The following CUL3 variants were observed in gnomAD, a reference collection of about 807,000 sequenced individuals.
The protein encoded by CUL3 is cullin-3.
A neutral mutation model predicts 89.1 loss-of-function variants in CUL3; 19 were observed. The ratio of observed to expected loss-of-function variants is 0.21; its 90% CI spans 0.15 to 0.31. CUL3 has a LOEUF of 0.31. Among genes scored for constraint, CUL3 ranks in the 10% least tolerant of loss-of-function variants. The probability of loss-of-function intolerance (pLI) is 1.00; values close to 1 mark genes in which losing one functional copy is unlikely to be tolerated. For missense variants in CUL3, 469 were observed against 942.3 expected (o/e 0.50, Z 6.58); for synonymous variants, 351 against 308.4 (o/e 1.14, Z -1.45).
At chr2:224,563,056 A>C in intron 1 of CUL3, 1 of 356,768 alleles carries the variant, frequency 2.8e-6, no homozygotes, top group South Asian at 2.2e-5. Flanking sequence ...GAAAGTGCCC[A>C]ATGATAGAAT....
At chr2:224,483,695 T>C (rs1691614023) in intron 13 of CUL3, among the ~76,000 whole-genome samples, 1 of 152,186 alleles carries the variant, frequency 6.6e-6, no homozygotes, top group Non-Finnish European at 1.5e-5. Flanking sequence ...AATTTTTCTA[T>C]TAATTTCTTC....
intron 15 of CUL3, among the ~76,000 whole-genome samples, chr2:224,475,343 T>C (rs1691276994): frequency 6.6e-6 from 1 of 152,270 alleles, no homozygotes; most frequent in African/African-American, 2.4e-5. Context: ...CCCTGCAAAA[T>C]AAGTTGTCTC....
chr2:224,516,409 C>T (rs1319707401), intron 3 of CUL3, among the ~76,000 whole-genome samples: 4 of 151,068 alleles, frequency 2.6e-5, no homozygotes, highest in African/African-American at 2.4e-5. Flanking sequence ...CTCTGCCTCC[C>T]GAGTTTAAGC....
intron 1 of CUL3, chr2:224,563,390 TAA>T (rs1228733018): frequency 5.2e-6 from 2 of 381,756 alleles, no homozygotes; most frequent in African/African-American, 4.3e-5. Flanking sequence ...TTCTAAAACT[TAA>T]GAGGGATTCC....
Position 224,472,127 on chromosome 2 carries a change from C to CA in CUL3, c.*2117dup, listed in dbSNP as rs572505388. 992 of 229,358 alleles carry CA rather than the reference C, an allele frequency of 4.3e-3. 7 individuals carry two copies. Among genetic ancestry groups the CA allele is most frequent in the Non-Finnish European group, 4.8e-3 (558 of 115,724 alleles). The allele number at this position is 229,358 out of a possible 1,614,324, so 14.2% of individuals were successfully genotyped here. A position where few individuals can be genotyped will look rare whatever the true frequency, so the allele number is the denominator to read the frequency against. The stretch of plus-strand genomic sequence containing the variant: ...ACATCGCCAGCAATCTCCAACCATT[C>CA]AACTGCAATTCAGAAATGTTTTAAT... On this transcript the variant is annotated 3_prime_UTR_variant, in exon 16 of 16. Coordinates refer to ENST00000264414, the MANE Select transcript of CUL3 (RefSeq NM_003590.5).
At chr2:224,497,055 T>C (rs1692195738) in intron 12 of CUL3, among the ~76,000 whole-genome samples, 2 of 152,186 alleles carry the variant, frequency 1.3e-5, no homozygotes, top group Non-Finnish European at 2.9e-5. Context: ...CAGCAATACT[T>C]AATCTGATGT....
intron 13 of CUL3, among the ~76,000 whole-genome samples, chr2:224,494,378 T>A (rs1201986152): frequency 1.3e-5 from 2 of 152,006 alleles, no homozygotes; most frequent in Non-Finnish European, 2.9e-5. Flanking sequence ...CCTTTAAATG[T>A]ACAGGAAAAG....
chr2:224,544,764 A>C (rs1375786344), intron 2 of CUL3, among the ~76,000 whole-genome samples: 1 of 150,924 alleles, frequency 6.6e-6, no homozygotes, highest in African/African-American at 2.4e-5. Flanking sequence ...AGATAAAGTG[A>C]ATCCCAATGG....
At chr2:224,570,727 A>G (rs924179062) in intron 1 of CUL3, among the ~76,000 whole-genome samples, 2 of 152,226 alleles carry the variant, frequency 1.3e-5, no homozygotes, top group African/African-American at 4.8e-5. Flanking sequence ...TCGACATTCA[A>G]TTGGGCTCTA....
intron 11 of CUL3, among the ~76,000 whole-genome samples, chr2:224,498,119 C>T (rs1692236349): frequency 6.6e-6 from 1 of 152,194 alleles, no homozygotes; most frequent in African/African-American, 2.4e-5. Flanking sequence ...CCTACTGCTG[C>T]TCAGCCCTTG....
At position 224,472,979 on chromosome 2, in the gene CUL3, CA is replaced by C. The variant is rs1691182684; in HGVS notation, c.*1265del. The C allele has an allele frequency of 4.9e-6, 1 of 202,950 alleles. No individual in the cohort carries two copies. Among genetic ancestry groups the C allele is most frequent in the Middle Eastern group, 1.7e-3 (1 of 604 alleles). 12.6% of individuals were successfully genotyped at this position (202,950 alleles called of 1,614,324 possible). On this transcript the variant is annotated 3_prime_UTR_variant, in exon 16 of 16. Coordinates refer to ENST00000264414, the MANE Select transcript of CUL3 (RefSeq NM_003590.5). ...TATCTGAAACATTGTCTTATGAAAA[CA>C]AAATGAAACAAAATTAAATAAAATT...
At chr2:224,482,778 G>A (rs1434986856) in intron 13 of CUL3, among the ~76,000 whole-genome samples, 1 of 152,084 alleles carries the variant, frequency 6.6e-6, no homozygotes, top group African/African-American at 2.4e-5. Context: ...TCTGTCAGTG[G>A]GACAGCAAGG....
intron 12 of CUL3, 93 bp from the exon 13 acceptor site, chr2:224,496,059 C>A: frequency 7.3e-7 from 1 of 1,370,094 alleles, no homozygotes; most frequent in South Asian, 1.3e-5. Context: ...GTTACAGGGT[C>A]TCACTTTGTC....
intron 13 of CUL3, among the ~76,000 whole-genome samples, chr2:224,489,540 T>G (rs1396295069): frequency 6.6e-6 from 1 of 152,016 alleles, no homozygotes; most frequent in Non-Finnish European, 1.5e-5. Flanking sequence ...GAATACAACT[T>G]AAAAAGGACG....
chr2:224,523,868 A>G (rs1473873546), intron 3 of CUL3, among the ~76,000 whole-genome samples: 3 of 152,196 alleles, frequency 2.0e-5, no homozygotes, highest in East Asian at 3.8e-4. Flanking sequence ...ATCAAATCAT[A>G]AACAGAGAAG....
chr2:224,495,331 C>T (rs1381558711), intron 13 of CUL3: 3 of 152,334 alleles, frequency 2.0e-5, no homozygotes, highest in Non-Finnish European at 4.4e-5. Flanking sequence ...TAGCCTAAAT[C>T]CGGTATCAAC....
At chr2:224,551,352 CCCG>C (rs1049199475) in intron 2 of CUL3, among the ~76,000 whole-genome samples, 6 of 151,988 alleles carry the variant, frequency 3.9e-5, no homozygotes, top group African/African-American at 1.2e-4. Flanking sequence ...ACTACAGGTG[CCCG>C]CCACCACGTC....
intron 13 of CUL3, among the ~76,000 whole-genome samples, chr2:224,487,999 T>A (rs995428588): frequency 6.6e-6 from 1 of 152,152 alleles, no homozygotes; most frequent in Non-Finnish European, 1.5e-5. Context: ...GAATGACTAG[T>A]GGGTAAATAA....
intron 10 of CUL3, among the ~76,000 whole-genome samples, chr2:224,502,179 G>A (rs1173498813): frequency 6.6e-6 from 1 of 152,106 alleles, no homozygotes; most frequent in Non-Finnish European, 1.5e-5. Flanking sequence ...GAGACTATAA[G>A]GCCAGTAGAA....
Sources: gnomAD v4.1 joint callset for allele counts (sites outside exome capture counted in the v4.1 genomes callset) on GRCh38, gnomAD v4.1.1 for gene constraint, MANE v1.5 for transcripts, NCBI Gene and HGNC (gene_info 2026-07-23, HGNC 2026-07-21) for gene names.